Variants in METTL21A observed in about 807,000 individuals in gnomAD.
METTL21A encodes the protein protein N-lysine methyltransferase METTL21A.
METTL21A carries 22 observed loss-of-function variants against 20.9 expected under a neutral mutation model. The observed-to-expected ratio is 1.05, with a 90% confidence interval of 0.75 to 1.50. METTL21A has a LOEUF of 1.50. METTL21A is among the 40% of genes most tolerant of loss of function. The pLI is 0.00. For synonymous variants in METTL21A, 93 were observed against 102.0 expected, an observed-to-expected ratio of 0.91 and a Z score of 0.53; for missense variants, 271 against 266.8, an observed-to-expected ratio of 1.02 and a Z score of -0.11.
exon 4 of METTL21A, chr2:207,613,109 G>A (rs1374984443): frequency 5.0e-6 from 8 of 1,608,636 alleles, no homozygotes; most frequent in African/African-American, 2.7e-5. Context: ...TTTCAGGATC[G>A]TAGTGAACCT....
At chr2:207,602,780 A>AT (rs1223531205) in intron 3 of METTL21A, 9 of 214,708 alleles carry the variant, frequency 4.2e-5, no homozygotes, top group Non-Finnish European at 6.6e-5. Flanking sequence ...AATTGTCAAC[A>AT]TTTTTTTTGA....
chr2:207,620,854 G>A, intron 3 of METTL21A: 1 of 581,610 alleles, frequency 1.7e-6, no homozygotes, highest in Non-Finnish European at 3.0e-6. Context: ...GACAAAAGAG[G>A]GGCTTTAGCT....
At chr2:207,603,617 C>T (rs1277605728) in intron 3 of METTL21A, among the ~76,000 whole-genome samples, 1 of 152,210 alleles carries the variant, frequency 6.6e-6, no homozygotes, top group South Asian at 2.1e-4. Flanking sequence ...AGGACAAAAC[C>T]TGTTTTTCAA....
intron 3 of METTL21A, among the ~76,000 whole-genome samples, chr2:207,594,883 G>T (rs558876986): frequency 9.2e-5 from 14 of 151,832 alleles, no homozygotes; most frequent in Admixed American, 2.0e-4. Flanking sequence ...TCAACAATGG[G>T]TATTTTCTGC....
chr2:207,619,958 G>A (rs139773683), intron 3 of METTL21A, among the ~76,000 whole-genome samples: 115 of 152,270 alleles, frequency 7.6e-4, no homozygotes, highest in African/African-American at 2.7e-3. Flanking sequence ...AAGGTCACAC[G>A]ACTAGTAAGA....
At chr2:207,581,935 G>T (rs1300893542) in exon 4 of METTL21A, 2 of 702,884 alleles carry the variant, frequency 2.8e-6, no homozygotes, top group East Asian at 5.4e-5. Context: ...GTTTGCATTT[G>T]TCCAGTGTTT....
intron 2 of METTL21A, among the ~76,000 whole-genome samples, chr2:207,623,596 A>G (rs372257160): frequency 1.3e-5 from 2 of 152,340 alleles, no homozygotes; most frequent in African/African-American, 2.4e-5. Context: ...TCACGCCTGT[A>G]ATCCCAGCAC....
intron 1 of METTL21A, 123 bp from the exon 2 acceptor site, chr2:207,624,527 A>G: frequency 1.1e-6 from 1 of 880,254 alleles, no homozygotes; most frequent in Non-Finnish European, 1.6e-6. Context: ...CAGGTGGAGG[A>G]AGCCTTTGTC....
downstream of METTL21A, chr2:207,580,685 T>A (rs1305085992): frequency 9.0e-6 from 2 of 221,658 alleles, no homozygotes; most frequent in East Asian, 1.3e-4. Flanking sequence ...TGGTAAACAT[T>A]CTAAAAGAAA....
intron 3 of METTL21A, among the ~76,000 whole-genome samples, chr2:207,619,282 C>T (rs2090188425): frequency 6.6e-6 from 1 of 151,832 alleles, no homozygotes; most frequent in Non-Finnish European, 1.5e-5. Context: ...CACAGTGGAC[C>T]GCCAGGCTTC....
exon 4 of METTL21A, chr2:207,581,818 G>T: frequency 1.4e-6 from 1 of 699,710 alleles, no homozygotes; most frequent in Non-Finnish European, 2.6e-6. Flanking sequence ...GTACCATATC[G>T]CATTTAATTA....
chr2:207,591,637 T>C (rs2085055535), intron 3 of METTL21A, among the ~76,000 whole-genome samples: 1 of 152,202 alleles, frequency 6.6e-6, no homozygotes, highest in Non-Finnish European at 1.5e-5. Context: ...TTCGCCATGT[T>C]GGCCAGGCTG....
downstream of METTL21A, among the ~76,000 whole-genome samples, chr2:207,605,831 T>C (rs1191652369): frequency 1.3e-5 from 2 of 152,248 alleles, no homozygotes; most frequent in Non-Finnish European, 2.9e-5. Flanking sequence ...TAAAAGTTAT[T>C]TCTGAATTAT....
At chr2:207,618,675 T>G (rs544264937) in intron 3 of METTL21A, among the ~76,000 whole-genome samples, 1 of 151,824 alleles carries the variant, frequency 6.6e-6, no homozygotes, top group Non-Finnish European at 1.5e-5. Flanking sequence ...ACCACTGCAC[T>G]CCAGCCTGGG....
chr2:207,597,085 A>ATAAC (rs2086303820), intron 3 of METTL21A: 1 of 1,580,260 alleles, frequency 6.3e-7, no homozygotes, highest in African/African-American at 1.4e-5. Context: ...TCACCTGTTA[A>ATAAC]GGTGGAAAAT....
At chr2:207,606,372 C>T (rs1401092356), downstream of METTL21A, among the ~76,000 whole-genome samples, 1 of 152,164 alleles carries the variant, frequency 6.6e-6, no homozygotes, top group African/African-American at 2.4e-5. Flanking sequence ...ATCCCAGCTA[C>T]TCGGGAGGCT....
At chr2:207,603,811 A>G (rs969703244) in intron 3 of METTL21A, among the ~76,000 whole-genome samples, 3 of 152,206 alleles carry the variant, frequency 2.0e-5, no homozygotes, top group Non-Finnish European at 4.4e-5. Flanking sequence ...TTGGAAGGAA[A>G]GGGGAGGGGA....
chr2:207,612,499 T>C (rs1186695763), downstream of METTL21A: 2 of 152,066 alleles, frequency 1.3e-5, no homozygotes, highest in East Asian at 1.9e-4. Flanking sequence ...AAAAGCATGA[T>C]ATGAGACCCA....
chr2:207,621,935 GT>G lies in METTL21A; in HGVS notation c.148-19del. 1 of 1,606,130 alleles carries G rather than the reference GT, an allele frequency of 6.2e-7. No homozygotes were observed. Among genetic ancestry groups the G allele is most frequent in the Non-Finnish European group, 8.5e-7 (1 of 1,172,874 alleles). On this transcript the variant is annotated intron_variant, in intron 2 of 3. Coordinates refer to ENST00000406927, the Ensembl canonical transcript of METTL21A. Reference sequence around the variant, plus strand: ...ACGATGGCCTGAATGAAAACACAGTGTGATGACGATTAAGGTCAACATGTGC... The same window carrying G: ...ACGATGGCCTGAATGAAAACACAGTGGATGACGATTAAGGTCAACATGTGC...
Sources: gnomAD v4.1 joint callset for allele counts (sites outside exome capture counted in the v4.1 genomes callset) on GRCh38, gnomAD v4.1.1 for gene constraint, MANE v1.5 for transcripts, NCBI Gene and HGNC (gene_info 2026-07-23, HGNC 2026-07-21) for gene names.